The following ST7 variants were observed in gnomAD, a reference collection of about 807,000 sequenced individuals.
ST7 encodes the protein suppressor of tumorigenicity 7 protein.
ST7 carries 28 observed loss-of-function variants against 78.7 expected under a neutral mutation model. That is an observed-to-expected ratio of 0.36 (90% CI 0.26 to 0.49). ST7 has a LOEUF of 0.49. Among genes scored for constraint, ST7 ranks in the 20% least tolerant of loss-of-function variants. The probability of loss-of-function intolerance (pLI) is 0.99; values close to 1 mark genes in which losing one functional copy is unlikely to be tolerated. For synonymous variants in ST7, 247 were observed against 249.6 expected, an observed-to-expected ratio of 0.99 and a Z score of 0.10; for missense variants, 418 against 696.0, an observed-to-expected ratio of 0.60 and a Z score of 4.49.
At chr7:117,004,666 A>G (rs911621046) in intron 1 of ST7, among the ~76,000 whole-genome samples, 1 of 152,142 alleles carries the variant, frequency 6.6e-6, no homozygotes, top group African/African-American at 2.4e-5. Flanking sequence ...GTCTCAAAAT[A>G]AATAAATAAA....
intron 1 of ST7, among the ~76,000 whole-genome samples, chr7:117,064,189 T>C (rs1351650361): frequency 1.9e-5 from 2 of 106,888 alleles, no homozygotes; most frequent in African/African-American, 5.7e-5. Context: ...ATGGGAAAAG[T>C]TTTTTTTCTT....
intron 12 of ST7, among the ~76,000 whole-genome samples, chr7:117,207,615 T>C (rs1378515103): frequency 6.6e-6 from 1 of 152,220 alleles, no homozygotes; most frequent in Non-Finnish European, 1.5e-5. Flanking sequence ...GTTTACACTT[T>C]TCTTTTATCC....
intron 1 of ST7, among the ~76,000 whole-genome samples, chr7:117,099,124 A>G (rs1485058101): frequency 7.4e-6 from 1 of 135,160 alleles, no homozygotes; most frequent in Non-Finnish European, 1.6e-5. Flanking sequence ...TTAGAGGTTT[A>G]TTTTTCATTT....
chr7:117,180,785 G>A (rs38873), intron 10 of ST7, among the ~76,000 whole-genome samples: 19,128 of 152,070 alleles, frequency 0.13, 2,258 homozygotes, highest in African/African-American at 0.31. Context: ...AAGTAGCTGG[G>A]ACTACAGGTG....
chr7:116,983,672 C>G (rs1267261173), intron 1 of ST7, among the ~76,000 whole-genome samples: 1 of 152,100 alleles, frequency 6.6e-6, no homozygotes. Flanking sequence ...CTGTCCTCAC[C>G]TTGCTGAGTC....
intron 2 of ST7, among the ~76,000 whole-genome samples, chr7:117,113,598 C>G (rs1157350707): frequency 2.0e-5 from 3 of 152,180 alleles, no homozygotes; most frequent in Admixed American, 6.5e-5. Flanking sequence ...CGTTTATTGT[C>G]TTCTTCCTCT....
intron 12 of ST7, among the ~76,000 whole-genome samples, chr7:117,194,817 G>A (rs1262371961): frequency 6.6e-6 from 1 of 152,142 alleles, no homozygotes; most frequent in African/African-American, 2.4e-5. Flanking sequence ...CACTGGGGTG[G>A]GCATGGGGGA....
intron 12 of ST7, among the ~76,000 whole-genome samples, chr7:117,196,463 A>G (rs1344098888): frequency 6.6e-6 from 1 of 152,028 alleles, no homozygotes; most frequent in Non-Finnish European, 1.5e-5. Flanking sequence ...CCATCCTAAC[A>G]CGTCAGGTAA....
intron 1 of ST7, among the ~76,000 whole-genome samples, chr7:117,059,626 A>G (rs1798245464): frequency 1.3e-5 from 2 of 151,922 alleles, no homozygotes; most frequent in Admixed American, 6.6e-5. Flanking sequence ...CAGAGACTAT[A>G]TTTCACAGAA....
intron 1 of ST7, among the ~76,000 whole-genome samples, chr7:117,029,693 A>T (rs1224621972): frequency 1.3e-5 from 2 of 151,212 alleles, no homozygotes; most frequent in Non-Finnish European, 2.9e-5. Flanking sequence ...TTTTGCTTCT[A>T]TGTGTGCTAT....
chr7:117,175,167 T>C (rs751768920), intron 10 of ST7, among the ~76,000 whole-genome samples: 5 of 152,232 alleles, frequency 3.3e-5, no homozygotes, highest in African/African-American at 7.2e-5. Flanking sequence ...GGGGATTTGA[T>C]GTAAGATGTT....
chr7:117,217,647 T>A (rs575518031), intron 13 of ST7, among the ~76,000 whole-genome samples: 1 of 152,364 alleles, frequency 6.6e-6, no homozygotes, highest in African/African-American at 2.4e-5. Context: ...AGAAAAGGTC[T>A]GATTGAACTA....
intron 1 of ST7, among the ~76,000 whole-genome samples, chr7:117,064,234 A>G (rs992006230): frequency 6.6e-6 from 1 of 152,138 alleles, no homozygotes; most frequent in Non-Finnish European, 1.5e-5. Flanking sequence ...GTAAATAAAC[A>G]TATATTCTTT....
At chr7:116,984,682 T>A (rs977832914) in intron 1 of ST7, among the ~76,000 whole-genome samples, 2 of 152,188 alleles carry the variant, frequency 1.3e-5, no homozygotes, top group Non-Finnish European at 2.9e-5. Context: ...CTTACCCTGT[T>A]CCTGTGAGGG....
intron 7 of ST7, 78 bp downstream of exon 7, chr7:117,134,270 C>A: frequency 6.3e-7 from 1 of 1,592,946 alleles, no homozygotes; most frequent in Non-Finnish European, 8.5e-7. Context: ...TTGACACCCC[C>A]ATCACCACAC....
chr7:116,980,719 C>T (rs1314036031), intron 1 of ST7, among the ~76,000 whole-genome samples: 2 of 152,128 alleles, frequency 1.3e-5, no homozygotes, highest in African/African-American at 4.8e-5. Context: ...GTTTTTTCTT[C>T]CAGAACCATT....
intron 2 of ST7, among the ~76,000 whole-genome samples, chr7:117,115,807 C>A (rs916644014): frequency 6.6e-6 from 1 of 152,034 alleles, no homozygotes; most frequent in Non-Finnish European, 1.5e-5. Context: ...ACAAAATGAA[C>A]ACAAAACCTT....
intron 1 of ST7, among the ~76,000 whole-genome samples, chr7:117,073,431 T>C (rs1379000685): frequency 6.6e-6 from 1 of 152,204 alleles, no homozygotes; most frequent in African/African-American, 2.4e-5. Context: ...GGGACAGATA[T>C]ACTTTGTTTG....
At chr7:117,208,546 G>A (rs1236814801) in intron 12 of ST7, among the ~76,000 whole-genome samples, 1 of 152,068 alleles carries the variant, frequency 6.6e-6, no homozygotes, top group African/African-American at 2.4e-5. Flanking sequence ...GGCTCCTGCT[G>A]GGCCATACAC....
Sources: gnomAD v4.1 joint callset for allele counts (sites outside exome capture counted in the v4.1 genomes callset) on GRCh38, gnomAD v4.1.1 for gene constraint, MANE v1.5 for transcripts, NCBI Gene and HGNC (gene_info 2026-07-23, HGNC 2026-07-21) for gene names.